The following TMEM71 variants were observed in gnomAD, a reference collection of about 807,000 sequenced individuals.
TMEM71 encodes transmembrane protein 71.
TMEM71 carries 44 observed loss-of-function variants against 38.0 expected under a neutral mutation model. That is an observed-to-expected ratio of 1.16 (90% CI 0.91 to 1.49). The LOEUF (loss-of-function observed/expected upper bound fraction) is 1.49. Ranked by LOEUF, TMEM71 falls within the 40% of genes most tolerant of loss-of-function variation. The probability of loss-of-function intolerance (pLI) is 0.00; values close to 1 mark genes in which losing one functional copy is unlikely to be tolerated. For missense variants in TMEM71, 367 were observed against 348.6 expected (o/e 1.05, Z -0.42); for synonymous variants, 133 against 122.5 (o/e 1.09, Z -0.56).
At chr8:132,714,538 T>C (rs1182212201) in intron 7 of TMEM71, among the ~76,000 whole-genome samples, 1 of 152,176 alleles carries the variant, frequency 6.6e-6, no homozygotes, top group Non-Finnish European at 1.5e-5. Flanking sequence ...ATGTATAACA[T>C]ACCTTACACA....
intron 4 of TMEM71, among the ~76,000 whole-genome samples, chr8:132,748,428 G>A (rs895263618): frequency 6.6e-6 from 1 of 152,198 alleles, no homozygotes; most frequent in African/African-American, 2.4e-5. Context: ...ACAATGCACA[G>A]GGCAGTTGCC....
At chr8:132,723,498 TTAG>T (rs982507024) in intron 6 of TMEM71, among the ~76,000 whole-genome samples, 13 of 152,310 alleles carry the variant, frequency 8.5e-5, no homozygotes, top group Admixed American at 7.2e-4. Flanking sequence ...GTAACCTCCT[TTAG>T]GAAGCCTACC....
the TMEM71 span, among the ~76,000 whole-genome samples, chr8:132,766,790 AAAAAAT>A: frequency 1.3e-5 from 1 of 76,786 alleles, no homozygotes; most frequent in African/African-American, 3.2e-5. Flanking sequence ...GTCTAAAAAA[AAAAAAT>A]AAAAATAAAA....
At chr8:132,744,258 CT>C (rs1420513630) in intron 5 of TMEM71, among the ~76,000 whole-genome samples, 11 of 152,272 alleles carry the variant, frequency 7.2e-5, no homozygotes, top group African/African-American at 2.6e-4. Flanking sequence ...ATAACTACAA[CT>C]TACTGAGCAC....
At chr8:132,722,164 A>T in intron 6 of TMEM71, 49 bp from the exon 7 acceptor site, 1 of 1,442,744 alleles carries the variant, frequency 6.9e-7, no homozygotes, top group Non-Finnish European at 9.7e-7. Flanking sequence ...TGCTGATTCA[A>T]TCATCTTGGA....
intron 5 of TMEM71, among the ~76,000 whole-genome samples, chr8:132,734,965 C>T (rs1243062241): frequency 6.6e-6 from 1 of 152,198 alleles, no homozygotes; most frequent in Non-Finnish European, 1.5e-5. Flanking sequence ...AAGCCACATA[C>T]TGATGTTGCC....
intron 5 of TMEM71, among the ~76,000 whole-genome samples, chr8:132,729,742 C>G (rs1397631734): frequency 6.6e-5 from 10 of 151,934 alleles, no homozygotes; most frequent in Non-Finnish European, 4.4e-5. Flanking sequence ...ACATTAGGGA[C>G]AGAAAAAAGG....
intron 7 of TMEM71, 118 bp downstream of exon 7, chr8:132,721,922 C>A: frequency 1.2e-6 from 1 of 861,650 alleles, no homozygotes; most frequent in Non-Finnish European, 2.0e-6. Flanking sequence ...GACACATGAA[C>A]GAATCTCAAC....
At chr8:132,743,051 T>C (rs771943769) in intron 5 of TMEM71, among the ~76,000 whole-genome samples, 1 of 152,142 alleles carries the variant, frequency 6.6e-6, no homozygotes, top group Non-Finnish European at 1.5e-5. Flanking sequence ...CCTGCCCCCA[T>C]GATTCAATTA....
Position 132,751,939 on chromosome 8 carries a change from G to A in TMEM71, c.160C>T (p.Leu54=). The change falls in exon 4 of 10, where the codon CTG becomes TTG. Residue 54 remains leucine, a synonymous_variant. Transcript: ENST00000677595. ...HSFECGSIDP[L]TGSHYTCRRS... is the part of the protein sequence containing the mutation. Reference sequence around the variant, plus strand: ...CGACAGGTATAGTGGGAGCCTGTCAGGGGATCTATGGAGCCGCATTCAAAA... The same window carrying A: ...CGACAGGTATAGTGGGAGCCTGTCAAGGGATCTATGGAGCCGCATTCAAAA... The A allele has an allele frequency of 6.2e-7, 1 of 1,614,114 alleles. No homozygotes were observed. The highest frequency in any genetic ancestry group is 1.3e-5 in the African/African-American group (1 of 75,038).
rs183034859 is a variant in TMEM71, at chr8:132,714,468, C to A, written c.753-253G>T. ...AAGCATTCAAAGGAGAACATACCGT[C>A]TTTTCAACCAATGGTGTTGAAACAA... On this transcript the variant is annotated intron_variant, in intron 7 of 9. Transcript: ENST00000677595. Among the ~76,000 whole-genome samples the A allele has an allele frequency of 4.0e-5, 6 of 151,868 alleles. No homozygotes were observed. In the East Asian group the frequency reaches 5.8e-4, roughly 15 times the overall value.
chr8:132,761,109 GT>G (rs1393975402), upstream of TMEM71, among the ~76,000 whole-genome samples: 1 of 152,180 alleles, frequency 6.6e-6, no homozygotes, highest in African/African-American at 2.4e-5. Context: ...TTACATTATA[GT>G]AGAGCTCAAA....
At chr8:132,717,485 G>A (rs1050592230) in intron 7 of TMEM71, among the ~76,000 whole-genome samples, 1 of 152,132 alleles carries the variant, frequency 6.6e-6, no homozygotes, top group Non-Finnish European at 1.5e-5. Flanking sequence ...TAAGTGCATG[G>A]AAAGATGGTC....
intron 5 of TMEM71, among the ~76,000 whole-genome samples, chr8:132,734,344 T>C (rs547000409): frequency 6.6e-6 from 1 of 152,098 alleles, no homozygotes; most frequent in African/African-American, 2.4e-5. Context: ...TACACCTCAA[T>C]AAAGCTGTTA....
At chr8:132,747,878 G>T (rs1405579892) in intron 4 of TMEM71, among the ~76,000 whole-genome samples, 1 of 152,200 alleles carries the variant, frequency 6.6e-6, no homozygotes, top group Admixed American at 6.5e-5. Flanking sequence ...TTGGAACAAT[G>T]GGAGACCTCT....
At chr8:132,758,797 T>A (rs1206053061) in intron 2 of TMEM71, 43 bp downstream of exon 2, 1 of 1,571,410 alleles carries the variant, frequency 6.4e-7, no homozygotes, top group East Asian at 2.2e-5. Context: ...AGGAGTCTAA[T>A]CGTTCAAAAG....
chr8:132,725,472 A>T (rs1212171476), intron 6 of TMEM71, among the ~76,000 whole-genome samples: 1 of 152,200 alleles, frequency 6.6e-6, no homozygotes, highest in East Asian at 1.9e-4. Context: ...GTAAGCCTGG[A>T]ATTTTCATTA....
At chr8:132,723,695 A>G (rs778009803) in intron 6 of TMEM71, among the ~76,000 whole-genome samples, 5 of 152,188 alleles carry the variant, frequency 3.3e-5, no homozygotes, top group Non-Finnish European at 5.9e-5. Context: ...TTCTCTGGGG[A>G]CAGTGCTCAT....
chr8:132,775,251 G>A, the TMEM71 span: 1 of 315,358 alleles, frequency 3.2e-6, no homozygotes, highest in South Asian at 1.5e-4. Flanking sequence ...GTCAACGACC[G>A]CAAAGCCCCG....
Sources: gnomAD v4.1 joint callset for allele counts (sites outside exome capture counted in the v4.1 genomes callset) on GRCh38, gnomAD v4.1.1 for gene constraint, MANE v1.5 for transcripts, NCBI Gene and HGNC (gene_info 2026-07-23, HGNC 2026-07-21) for gene names.